Variants in PRKN observed in about 807,000 individuals in gnomAD.
PRKN encodes E3 ubiquitin-protein ligase parkin.
A neutral mutation model predicts 59.5 loss-of-function variants in PRKN; 56 were observed. That is an observed-to-expected ratio of 0.94 (90% CI 0.76 to 1.18). The LOEUF (loss-of-function observed/expected upper bound fraction) is 1.18, where lower values mean the gene tolerates loss of function less well. Among genes scored for constraint, PRKN ranks in the 50% most tolerant of loss-of-function variants. The probability of loss-of-function intolerance (pLI) is 0.00; values close to 1 mark genes in which losing one functional copy is unlikely to be tolerated. For synonymous variants in PRKN, 250 were observed against 222.1 expected, an observed-to-expected ratio of 1.13 and a Z score of -1.12; for missense variants, 657 against 596.4, an observed-to-expected ratio of 1.10 and a Z score of -1.06.
chr6:161,769,098 A>G (rs2128201542), intron 7 of PRKN, among the ~76,000 whole-genome samples: 1 of 152,352 alleles, frequency 6.6e-6, no homozygotes, highest in South Asian at 2.1e-4. Context: ...CCCTGATTCA[A>G]AGGAATTAAT....
At chr6:162,347,083 A>C (rs1323409294) in intron 2 of PRKN, among the ~76,000 whole-genome samples, 1 of 151,082 alleles carries the variant, frequency 6.6e-6, no homozygotes, top group Non-Finnish European at 1.5e-5. Context: ...CTTTTTAAAG[A>C]GCAAACTATT....
chr6:161,897,783 C>G (rs1178472486), intron 6 of PRKN, among the ~76,000 whole-genome samples: 2 of 147,994 alleles, frequency 1.4e-5, no homozygotes, highest in Non-Finnish European at 3.0e-5. Flanking sequence ...AGATCGAGAC[C>G]AAGGTGAAAC....
At chr6:161,647,687 G>A (rs1784007169) in intron 7 of PRKN, among the ~76,000 whole-genome samples, 2 of 152,060 alleles carry the variant, frequency 1.3e-5, no homozygotes, top group African/African-American at 4.8e-5. Flanking sequence ...AAACATATTA[G>A]TCATCTAAAT....
At chr6:162,685,981 A>G (rs1187463643) in intron 1 of PRKN, among the ~76,000 whole-genome samples, 4 of 152,184 alleles carry the variant, frequency 2.6e-5, no homozygotes, top group South Asian at 2.1e-4. Flanking sequence ...GCCTGTTTAT[A>G]GCGAACGTCC....
chr6:161,885,536 GCC>G (rs1795110473), intron 6 of PRKN, among the ~76,000 whole-genome samples: 1 of 151,936 alleles, frequency 6.6e-6, no homozygotes, highest in Non-Finnish European at 1.5e-5. Context: ...GTGGTGGCGG[GCC>G]CCTGTAGTCC....
rs1362043377 is a variant in PRKN at position 161,407,646 on chromosome 6, C to T, written c.1084-20769G>A. On this transcript the variant is annotated intron_variant, in intron 9 of 11. Transcript: ENST00000366898. The surrounding 1 kb of genome is among the most constrained non-coding windows in gnomAD (Gnocchi z 4.9). ...TGAGTCGAAGCTCAGCCATTATAAC[C>T]CCTGTGACCTGCACATATACGTCCA... Among the ~76,000 whole-genome samples, 1 of 152,112 alleles carries T rather than the reference C, an allele frequency of 6.6e-6. No homozygotes were observed. Among genetic ancestry groups the T allele is most frequent in the Non-Finnish European group, 1.5e-5 (1 of 68,022 alleles).
chr6:161,756,442 G>GGAA lies in PRKN; in HGVS notation c.871+29329_871+29330insTTC, dbSNP rs1491187974. Among the ~76,000 whole-genome samples, 10 of 74,714 alleles carry GGAA rather than the reference G, an allele frequency of 1.3e-4. 3 individuals carry two copies. Among genetic ancestry groups the GGAA allele is most frequent in the African/African-American group, 4.9e-4 (9 of 18,202 alleles). The allele number at this position is 74,714 out of a possible 152,430, so 49.0% of individuals were successfully genotyped here. On this transcript the variant is annotated intron_variant, in intron 7 of 11. Transcript: ENST00000366898. ...GGGTGACAGAGTGAAACCTTGTCTC[G>GGAA]AAAAAAAAAAAAAAAAAAAAAAAAA...
intron 4 of PRKN, among the ~76,000 whole-genome samples, chr6:162,137,459 T>TCTC (rs950639329): frequency 1.3e-5 from 2 of 152,216 alleles, no homozygotes; most frequent in African/African-American, 4.8e-5. Flanking sequence ...TGCTAATTTC[T>TCTC]CTCACACTAT....
At chr6:162,037,329 C>CT (rs1321535594) in intron 5 of PRKN, among the ~76,000 whole-genome samples, 4 of 152,140 alleles carry the variant, frequency 2.6e-5, no homozygotes, top group Admixed American at 2.0e-4. Context: ...AGACCTGTAT[C>CT]TCTTGATATG....
intron 5 of PRKN, among the ~76,000 whole-genome samples, chr6:162,015,009 T>C (rs1582897555): frequency 6.6e-6 from 1 of 152,150 alleles, no homozygotes; most frequent in East Asian, 1.9e-4. Context: ...AGACAACATG[T>C]TCACGTTGTA....
chr6:161,722,373 G>A lies in PRKN; in HGVS notation c.871+63399C>T, dbSNP rs533046485. ...ATTAGTAAATACTTATCTACAAGAA[G>A]GGTTTTGGTAGCACAGAGTTCTCCT... On this transcript the variant is annotated intron_variant, in intron 7 of 11. Coordinates refer to ENST00000366898, the MANE Select transcript of PRKN (RefSeq NM_004562.3). 8.5e-5 allele frequency among the ~76,000 whole-genome samples: 13 copies of A among 152,180 alleles called. No homozygotes were observed. In the East Asian group the frequency reaches 2.3e-3, roughly 27 times the overall value.
intron 7 of PRKN, among the ~76,000 whole-genome samples, chr6:161,724,156 A>G (rs770980254): frequency 6.6e-5 from 10 of 152,234 alleles, no homozygotes; most frequent in Non-Finnish European, 1.3e-4. Flanking sequence ...GGACGGGCAC[A>G]TGGAATAAGA....
intron 4 of PRKN, among the ~76,000 whole-genome samples, chr6:162,081,593 CT>C (rs1264187382): frequency 6.6e-6 from 1 of 152,008 alleles, no homozygotes; most frequent in Non-Finnish European, 1.5e-5. Flanking sequence ...GTCATCTAGG[CT>C]TTGTTGTTCC....
At chr6:162,170,097 C>T (rs981345515) in intron 4 of PRKN, among the ~76,000 whole-genome samples, 1 of 152,182 alleles carries the variant, frequency 6.6e-6, no homozygotes, top group Non-Finnish European at 1.5e-5. Context: ...CCTGGGTTTC[C>T]TATAACAGCT....
At chr6:161,695,976 G>A (rs936818439) in intron 7 of PRKN, among the ~76,000 whole-genome samples, 1 of 152,164 alleles carries the variant, frequency 6.6e-6, no homozygotes, top group Non-Finnish European at 1.5e-5. Context: ...TTTAAAAACA[G>A]GCCATGCATT....
At chr6:162,675,288 T>TC (rs1210795420) in intron 1 of PRKN, among the ~76,000 whole-genome samples, 1 of 151,086 alleles carries the variant, frequency 6.6e-6, no homozygotes, top group Non-Finnish European at 1.5e-5. Context: ...GACCTCATGA[T>TC]CCCCCCCGCC....
At chr6:161,822,893 G>A (rs1221302216) in intron 6 of PRKN, among the ~76,000 whole-genome samples, 2 of 151,876 alleles carry the variant, frequency 1.3e-5, no homozygotes, top group African/African-American at 2.4e-5. Context: ...TTTTTAATTG[G>A]CTTGTTTACT....
At chr6:162,684,089 A>C (rs1779876151) in intron 1 of PRKN, among the ~76,000 whole-genome samples, 1 of 152,130 alleles carries the variant, frequency 6.6e-6, no homozygotes, top group Admixed American at 6.6e-5. Context: ...ATGTTTATTT[A>C]ATTTTCTTGA....
At chr6:161,570,666 C>T (rs1780853893) in intron 7 of PRKN, among the ~76,000 whole-genome samples, 1 of 151,994 alleles carries the variant, frequency 6.6e-6, no homozygotes. Context: ...GTATATAATA[C>T]ATATGACCTA....
Sources: gnomAD v4.1 joint callset for allele counts (sites outside exome capture counted in the v4.1 genomes callset) on GRCh38, gnomAD v4.1.1 for gene constraint, Gnocchi (gnomAD v3.1) non-coding constraint, MANE v1.5 for transcripts, NCBI Gene and HGNC (gene_info 2026-07-23, HGNC 2026-07-21) for gene names.